Variants in BAHD1 observed in about 807,000 individuals in gnomAD.
The protein encoded by BAHD1 is bromo adjacent homology domain-containing 1 protein.
BAHD1 carries 20 observed loss-of-function variants against 63.1 expected under a neutral mutation model. The observed-to-expected ratio is 0.32, with a 90% CI of 0.22 to 0.46. The LOEUF (loss-of-function observed/expected upper bound fraction) is 0.46. Ranked by LOEUF, BAHD1 falls within the 20% of genes least tolerant of loss-of-function variation. BAHD1 has a pLI of 1.00. For missense variants in BAHD1, 939 were observed against 1,071.8 expected (o/e 0.88, Z 1.73); for synonymous variants, 408 against 426.8 (o/e 0.96, Z 0.54).
At position 40,466,229 on chromosome 15, in the gene BAHD1, C is replaced by T; in HGVS notation, c.*99C>T. 5.3e-6 allele frequency: 6 copies of T among 1,134,626 alleles called. No individual in the cohort carries two copies. The highest frequency in any genetic ancestry group is 6.1e-6 in the Non-Finnish European group (5 of 823,910). The allele number at this position is 1,134,626 out of a possible 1,614,324, so 70.3% of individuals were successfully genotyped here. ...CACTTGGTTAGGGGGCCACAGAGGCCTAAGTTTGCTGGCCTGTGGTTTTCT... is the reference window on the plus strand; with the variant it reads ...CACTTGGTTAGGGGGCCACAGAGGCTTAAGTTTGCTGGCCTGTGGTTTTCT... On this transcript the variant is annotated 3_prime_UTR_variant, in exon 7 of 7. Coordinates refer to ENST00000416165, the MANE Select transcript of BAHD1 (RefSeq NM_014952.5).
rs1021192114 is a variant in BAHD1 at position 40,441,080 on chromosome 15, C to A, written c.-203C>A. ...GCCCGCCCCGGCCAGGCGCGCCCGC[C>A]CCCCCCGACGGCCCCGCCCGGCCGC... On this transcript the variant is annotated 5_prime_UTR_variant, in exon 1 of 7. Transcript: ENST00000416165. 2.0e-5 allele frequency: 3 copies of A among 146,508 alleles called. No homozygotes were observed. The highest frequency in any genetic ancestry group is 2.5e-5 in the African/African-American group (1 of 40,678). 9.1% of individuals were successfully genotyped at this position (146,508 alleles called of 1,614,324 possible).
intron 2 of BAHD1, 50 bp downstream of exon 2, chr15:40,459,946 A>C (rs182865888): frequency 1.3e-6 from 2 of 1,517,506 alleles, no homozygotes; most frequent in Non-Finnish European, 1.8e-6. Context: ...GAGACATGGC[A>C]TCCCAGGAGG....
intron 2 of BAHD1, among the ~76,000 whole-genome samples, chr15:40,460,849 T>G (rs1894018891): frequency 6.6e-6 from 1 of 152,180 alleles, no homozygotes; most frequent in Admixed American, 6.5e-5. Context: ...ACTGGTTGTT[T>G]CAGGTTGTGG....
chr15:40,465,931 C>G lies in BAHD1; in HGVS notation c.2154-10C>G. On this transcript the variant is annotated splice_polypyrimidine_tract_variant and intron_variant, in intron 6 of 6. Transcript: ENST00000416165. ...CTGGAGTAAAGACAGTGAATGGTAT[C>G]TCTCTACAGGTTCTGTGCCATGGCC... 1 of 1,557,296 alleles carries G rather than the reference C, an allele frequency of 6.4e-7. No individual in the cohort carries two copies.
chr15:40,461,034 C>T (rs1421963293), intron 2 of BAHD1, among the ~76,000 whole-genome samples: 2 of 152,158 alleles, frequency 1.3e-5, no homozygotes, highest in Non-Finnish European at 2.9e-5. Flanking sequence ...GGCTGCTTGG[C>T]ATGTAATTGA....
chr15:40,451,733 A>G (rs1335653089), intron 1 of BAHD1, among the ~76,000 whole-genome samples: 4 of 152,198 alleles, frequency 2.6e-5, no homozygotes, highest in African/African-American at 9.7e-5. Context: ...TGAATGGGCA[A>G]AGGTCACAAG....
chr15:40,464,172 C>T (rs1336330578), intron 4 of BAHD1, 152 bp downstream of exon 4: 2 of 925,082 alleles, frequency 2.2e-6, no homozygotes, highest in South Asian at 1.7e-5. Context: ...GGTCTCTCTG[C>T]TGCCGAGGGC....
At chr15:40,451,547 T>C (rs1188459603) in intron 1 of BAHD1, among the ~76,000 whole-genome samples, 2 of 152,276 alleles carry the variant, frequency 1.3e-5, no homozygotes, top group Non-Finnish European at 2.9e-5. Flanking sequence ...TGCTAGGCAC[T>C]TTACACACAT....
At position 40,462,054 on chromosome 15, in the gene BAHD1, C is replaced by T. The variant is rs1340079654; in HGVS notation, c.1575C>T (p.Thr525=). Residue 525 remains threonine (T), a synonymous_variant, in exon 3 of 7, where the codon ACC becomes ACT. Transcript: ENST00000416165. ...CCGTCCCCCATCTTCAGACACCCAC[C>T]TCGGAGCCCCAGACAGTAGCCCGTG... ...AEPVPHLQTP[T]SEPQTVARAC... The T allele has an allele frequency of 6.2e-7, 1 of 1,613,748 alleles. No homozygotes were observed. Among genetic ancestry groups the T allele is most frequent in the Non-Finnish European group, 8.5e-7 (1 of 1,180,044 alleles).
Position 40,459,288 on chromosome 15 carries a change from G to A in BAHD1, c.824G>A (p.Trp275Ter). The change falls in exon 2 of 7, where the codon TGG becomes TAG. Residue 275 changes from tryptophan to a stop codon, truncating the protein, a stop_gained. Coordinates refer to ENST00000416165, the MANE Select transcript of BAHD1 (RefSeq NM_014952.5). LOFTEE classifies it high-confidence loss of function. ...SSGEAAGPPGWQGCPDEPWPS... is the reference protein window; with the variant it reads ...SSGEAAGPPG ...GGGGAGGCTGCAGGCCCACCTGGCT[G>A]GCAAGGCTGCCCTGATGAACCATGG... The A allele has an allele frequency of 6.2e-7, 1 of 1,612,966 alleles. No homozygotes were observed. The highest frequency in any genetic ancestry group is 8.5e-7 in the Non-Finnish European group (1 of 1,180,004).
At chr15:40,465,581 C>T in intron 6 of BAHD1, 146 bp downstream of exon 6, 1 of 691,238 alleles carries the variant, frequency 1.4e-6, no homozygotes, top group Non-Finnish European at 2.5e-6. Flanking sequence ...AACTTACTTC[C>T]CTATTGCTTG....
intron 1 of BAHD1, chr15:40,454,743 T>C (rs1298592450): frequency 6.6e-6 from 1 of 152,226 alleles, no homozygotes; most frequent in Non-Finnish European, 1.5e-5. Context: ...GAGGGGATAG[T>C]GCTGAGAGAA....
chr15:40,449,267 C>T (rs1404364751), intron 1 of BAHD1, among the ~76,000 whole-genome samples: 1 of 152,144 alleles, frequency 6.6e-6, no homozygotes, highest in Non-Finnish European at 1.5e-5. Flanking sequence ...CAAACATTGA[C>T]CATCCTTTTA....
intron 1 of BAHD1, among the ~76,000 whole-genome samples, chr15:40,442,780 CT>C (rs1729938626): frequency 6.6e-6 from 1 of 152,168 alleles, no homozygotes; most frequent in Admixed American, 6.5e-5. Context: ...AAATAAAAAG[CT>C]TTCCAGTCCT....
At chr15:40,441,816 C>G (rs1470572123) in intron 1 of BAHD1, among the ~76,000 whole-genome samples, 1 of 150,198 alleles carries the variant, frequency 6.7e-6, no homozygotes. Context: ...GGCGCCCTCC[C>G]GCGCTGGGAG....
intron 2 of BAHD1, among the ~76,000 whole-genome samples, 158 bp downstream of exon 2, chr15:40,460,054 C>T (rs545558930): frequency 6.6e-6 from 1 of 152,202 alleles, no homozygotes; most frequent in South Asian, 2.1e-4. Flanking sequence ...GTCTGTGCCC[C>T]AAGCCGAGGA....
Position 40,459,513 on chromosome 15 carries a change from C to T in BAHD1, c.1049C>T (p.Pro350Leu). 6.2e-7 allele frequency: 1 copy of T among 1,614,108 alleles called. No individual in the cohort carries two copies. The highest frequency in any genetic ancestry group is 2.2e-5 in the East Asian group (1 of 44,890). ...QELHQPSFPTPQLSPLPMPGN... is the reference protein window; with the variant it reads ...QELHQPSFPTLQLSPLPMPGN... ...CTGCATCAGCCCTCTTTCCCCACACCTCAGCTGTCGCCGCTGCCGATGCCT... is the reference window on the plus strand; with the variant it reads ...CTGCATCAGCCCTCTTTCCCCACACTTCAGCTGTCGCCGCTGCCGATGCCT... Residue 350 changes from proline (P) to leucine (L), a missense_variant, in exon 2 of 7, where the codon CCT becomes CTT. Around this residue, in one of 5 missense-constraint regions of BAHD1, gnomAD observed 797 missense variants for 813.3 expected, o/e 0.98. Transcript: ENST00000416165.
intron 1 of BAHD1, among the ~76,000 whole-genome samples, chr15:40,448,843 T>C (rs1893622548): frequency 6.6e-6 from 1 of 151,682 alleles, no homozygotes; most frequent in African/African-American, 2.4e-5. Context: ...ACTCTTTTTT[T>C]TTTTTTTTTT....
rs570706156 is a variant in BAHD1, at chr15:40,464,198, G to A, written c.1975+178G>A. On this transcript the variant is annotated intron_variant, in intron 4 of 6. Transcript: ENST00000416165. ...TGCCGAGGGCTGTGGGTGACCTTGT[G>A]GCTTGGGTTGGATCAGCTCATTAAC... 5.1e-6 allele frequency: 4 copies of A among 785,726 alleles called. No individual in the cohort carries two copies. In the African/African-American group the frequency reaches 5.2e-5, roughly 10 times the overall value. 48.7% of individuals were successfully genotyped at this position (785,726 alleles called of 1,614,324 possible).
Sources: allele counts gnomAD v4.1 joint callset (sites outside exome capture counted in the v4.1 genomes callset), GRCh38; gene constraint gnomAD v4.1.1; regional missense constraint gnomAD v4.1.1; transcripts MANE v1.5; gene names NCBI Gene and HGNC (gene_info 2026-07-23, HGNC 2026-07-21).